Variants in RAP1GAP2 observed in about 807,000 individuals in gnomAD.
The protein encoded by RAP1GAP2 is rap1 GTPase-activating protein 2.
Under a neutral mutation model 95.0 loss-of-function variants are expected in RAP1GAP2, and 27 were observed. The ratio of observed to expected loss-of-function variants is 0.28; its 90% CI spans 0.21 to 0.39. The LOEUF (loss-of-function observed/expected upper bound fraction) is 0.39, where lower values mean the gene tolerates loss of function less well. Among genes scored for constraint, RAP1GAP2 ranks in the 10% least tolerant of loss-of-function variants. RAP1GAP2 has a pLI of 1.00. For synonymous variants in RAP1GAP2, 373 were observed against 380.9 expected, an observed-to-expected ratio of 0.98 and a Z score of 0.24; for missense variants, 771 against 970.0, an observed-to-expected ratio of 0.79 and a Z score of 2.72.
intron 3 of RAP1GAP2, among the ~76,000 whole-genome samples, chr17:2,921,637 GCAGGGCCGTTATGTGTCCT>G (rs998232386): frequency 2.0e-5 from 3 of 150,830 alleles, no homozygotes; most frequent in Non-Finnish European, 4.4e-5. Context: ...TAAGGTGTCA[GCAGGGCCGTTATGTGTCCT>G]CAGGGCCGTT....
intron 14 of RAP1GAP2, among the ~76,000 whole-genome samples, chr17:2,999,362 G>C (rs2046076840): frequency 6.6e-6 from 1 of 152,222 alleles, no homozygotes; most frequent in Admixed American, 6.5e-5. Context: ...ACTCCCTGCA[G>C]ATAAATGCAA....
Position 2,817,117 on chromosome 17 carries a change from A to G in RAP1GAP2, c.80+16567A>G, listed in dbSNP as rs143581265. 9.8e-5 allele frequency among the ~76,000 whole-genome samples: 11 copies of G among 111,850 alleles called. 4 individuals are homozygous for G. Among genetic ancestry groups the G allele is most frequent in the African/African-American group, 3.0e-4 (10 of 33,624 alleles). The allele number at this position is 111,850 out of a possible 152,430, so 73.4% of individuals were successfully genotyped here. ...TTTCTCGTGCCTCAGCCTCCTATGTAGCTGGGATTACAGGTGTGCACCACC... is the reference window on the plus strand; with the variant it reads ...TTTCTCGTGCCTCAGCCTCCTATGTGGCTGGGATTACAGGTGTGCACCACC... On this transcript the variant is annotated intron_variant, in intron 2 of 24. Transcript: ENST00000254695.
chr17:3,019,601 C>T (rs2046886821), intron 18 of RAP1GAP2, among the ~76,000 whole-genome samples: 1 of 152,192 alleles, frequency 6.6e-6, no homozygotes, highest in South Asian at 2.1e-4. Flanking sequence ...AGAACATACT[C>T]ACCATGGAAC....
intron 2 of RAP1GAP2, among the ~76,000 whole-genome samples, chr17:2,872,300 A>G (rs2072878176): frequency 1.3e-5 from 2 of 151,714 alleles, no homozygotes; most frequent in Admixed American, 6.6e-5. Context: ...TCTCCAAAAC[A>G]AAGAGTTTCT....
At chr17:2,957,972 A>G (rs904815117) in intron 4 of RAP1GAP2, among the ~76,000 whole-genome samples, 178 bp downstream of exon 4, 1 of 152,092 alleles carries the variant, frequency 6.6e-6, no homozygotes, top group African/African-American at 2.4e-5. Flanking sequence ...AGGGGTACGG[A>G]GCACTTTGGG....
chr17:3,016,567 G>C (rs2046775216), intron 17 of RAP1GAP2, among the ~76,000 whole-genome samples: 1 of 152,250 alleles, frequency 6.6e-6, no homozygotes, highest in Non-Finnish European at 1.5e-5. Context: ...AATATGTCTT[G>C]GGCATTCCTC....
chr17:2,921,378 T>A (rs191430176), intron 3 of RAP1GAP2, among the ~76,000 whole-genome samples: 2 of 152,190 alleles, frequency 1.3e-5, no homozygotes, highest in East Asian at 1.9e-4. Flanking sequence ...ACTTTTTGTA[T>A]TTTTAGTAGA....
chr17:2,773,400 A>T (rs540105464), upstream of RAP1GAP2, among the ~76,000 whole-genome samples: 46 of 152,314 alleles, frequency 3.0e-4, no homozygotes, highest in African/African-American at 1.1e-3. Flanking sequence ...AGTTTCAGCA[A>T]GCAATTGTTC....
At chr17:2,948,996 G>T (rs1276854653) in intron 3 of RAP1GAP2, among the ~76,000 whole-genome samples, 1 of 152,210 alleles carries the variant, frequency 6.6e-6, no homozygotes, top group Non-Finnish European at 1.5e-5. Context: ...GTTCACGTCT[G>T]CCCCTGCTAC....
At chr17:2,850,069 C>T (rs371802609) in intron 2 of RAP1GAP2, among the ~76,000 whole-genome samples, 13 of 139,878 alleles carry the variant, frequency 9.3e-5, no homozygotes, top group East Asian at 4.3e-4. Flanking sequence ...GGTGTGATCT[C>T]GGTTCACTGC....
chr17:2,986,677 G>T (rs1437286890), intron 11 of RAP1GAP2, among the ~76,000 whole-genome samples: 1 of 151,870 alleles, frequency 6.6e-6, no homozygotes, highest in Non-Finnish European at 1.5e-5. Context: ...CCTAACTCTC[G>T]TGTTTGCTGT....
chr17:2,898,435 T>A (rs1481712367), intron 2 of RAP1GAP2, among the ~76,000 whole-genome samples: 1 of 152,190 alleles, frequency 6.6e-6, no homozygotes, highest in African/African-American at 2.4e-5. Flanking sequence ...CTCTGCCAGG[T>A]CTGCTGGGCT....
intron 17 of RAP1GAP2, among the ~76,000 whole-genome samples, chr17:3,012,092 C>T (rs564966133): frequency 4.6e-5 from 7 of 152,246 alleles, no homozygotes; most frequent in East Asian, 3.9e-4. Context: ...TGTGTTGTGC[C>T]GCCTGGCACC....
chr17:3,001,777 C>T lies in RAP1GAP2; in HGVS notation c.1200+3401C>T, dbSNP rs150866355. ...AGGGCTCCCAGACCCTCTGGCAGAA[C>T]GAGGCCTCCTGTAGACGTTTAGCAT... On this transcript the variant is annotated intron_variant, in intron 14 of 24. Coordinates refer to ENST00000254695, the MANE Select transcript of RAP1GAP2 (RefSeq NM_015085.5). 6.6e-5 allele frequency among the ~76,000 whole-genome samples: 10 copies of T among 152,348 alleles called. No individual in the cohort carries two copies. The East Asian group carries it at 1.3e-3, about 21-fold the overall frequency.
At chr17:2,821,165 G>A (rs1003660793) in intron 2 of RAP1GAP2, among the ~76,000 whole-genome samples, 1 of 151,944 alleles carries the variant, frequency 6.6e-6, no homozygotes, top group Non-Finnish European at 1.5e-5. Context: ...CCAGGGATGC[G>A]CTTCTCTTCA....
At chr17:2,878,423 G>A (rs1415632948) in intron 2 of RAP1GAP2, among the ~76,000 whole-genome samples, 1 of 152,124 alleles carries the variant, frequency 6.6e-6, no homozygotes, top group Non-Finnish European at 1.5e-5. Context: ...GGGTGAGGCT[G>A]AGTGGGAGAG....
chr17:2,834,868 C>G (rs1265403748), intron 2 of RAP1GAP2, among the ~76,000 whole-genome samples: 1 of 152,034 alleles, frequency 6.6e-6, no homozygotes, highest in Admixed American at 6.6e-5. Flanking sequence ...CCACTGAATC[C>G]TTCACCATCC....
Position 2,889,825 on chromosome 17 carries a change from G to C in RAP1GAP2, c.81-15459G>C, listed in dbSNP as rs371993430. Among the ~76,000 whole-genome samples, 18 of 143,624 alleles carry C rather than the reference G, an allele frequency of 1.3e-4. No homozygotes were observed. In the East Asian group the frequency reaches 3.1e-3, roughly 24 times the overall value. 94.2% of individuals were successfully genotyped at this position (143,624 alleles called of 152,430 possible). A position where few individuals can be genotyped will look rare whatever the true frequency, so the allele number is the denominator to read the frequency against. ...AGCCTCCAGAGTAGCTGGGACTACA[G>C]GCGCACGCCACCACGCCTGGCTAAT... On this transcript the variant is annotated intron_variant, in intron 2 of 24. Transcript: ENST00000254695.
At chr17:2,905,447 G>C in intron 3 of RAP1GAP2, 79 bp downstream of exon 3, 1 of 1,430,126 alleles carries the variant, frequency 7.0e-7, no homozygotes. Flanking sequence ...TTTGGCTCCA[G>C]GCCCAGCAGC....
Sources: allele counts gnomAD v4.1 joint callset (sites outside exome capture counted in the v4.1 genomes callset), GRCh38; gene constraint gnomAD v4.1.1; transcripts MANE v1.5; gene names NCBI Gene and HGNC (gene_info 2026-07-23, HGNC 2026-07-21).